Variants in GPM6A observed in about 807,000 individuals in gnomAD.
The protein encoded by GPM6A is neuronal membrane glycoprotein M6-a.
GPM6A carries 7 observed loss-of-function variants against 32.1 expected under a neutral mutation model. The observed-to-expected ratio is 0.22, with a 90% CI of 0.12 to 0.41. The LOEUF (loss-of-function observed/expected upper bound fraction) is 0.41, where lower values mean the gene tolerates loss of function less well. Ranked by LOEUF, GPM6A falls within the 10% of genes least tolerant of loss-of-function variation. The pLI is 1.00. For synonymous variants in GPM6A, 130 were observed against 123.4 expected, an observed-to-expected ratio of 1.05 and a Z score of -0.35; for missense variants, 235 against 347.2, an observed-to-expected ratio of 0.68 and a Z score of 2.57.
chr4:175,637,980 C>A (rs1579326909), intron 6 of GPM6A, among the ~76,000 whole-genome samples: 1 of 143,396 alleles, frequency 7.0e-6, no homozygotes, highest in Non-Finnish European at 1.5e-5. Flanking sequence ...TTCTTACAAG[C>A]ATTTCCTCTG....
intron 1 of GPM6A, among the ~76,000 whole-genome samples, chr4:175,770,898 T>C (rs1733161004): frequency 1.3e-5 from 2 of 152,198 alleles, no homozygotes; most frequent in African/African-American, 4.8e-5. Flanking sequence ...CATGATTACT[T>C]CATCCTCGGT....
intron 1 of GPM6A, among the ~76,000 whole-genome samples, chr4:175,926,542 CAA>C (rs1366754871): frequency 3.3e-5 from 5 of 151,984 alleles, no homozygotes; most frequent in African/African-American, 1.2e-4. Context: ...ACAAAATAAT[CAA>C]GTTTTGACAA....
chr4:175,773,584 CAT>C (rs1213686820), intron 1 of GPM6A, among the ~76,000 whole-genome samples: 2 of 152,024 alleles, frequency 1.3e-5, no homozygotes, highest in African/African-American at 2.4e-5. Flanking sequence ...TACAAAATGA[CAT>C]GTATATATTA....
chr4:175,866,365 A>T (rs536094730), intron 1 of GPM6A, among the ~76,000 whole-genome samples: 1 of 152,248 alleles, frequency 6.6e-6, no homozygotes, highest in South Asian at 2.1e-4. Flanking sequence ...ATAAAGACAC[A>T]TACCTATCGT....
chr4:175,813,938 A>G (rs192869703), upstream of GPM6A, among the ~76,000 whole-genome samples: 2 of 152,318 alleles, frequency 1.3e-5, no homozygotes, highest in South Asian at 2.1e-4. Context: ...ATCAATGTGT[A>G]TTCAAGGGTT....
At chr4:175,796,675 T>A (rs939649283) in intron 1 of GPM6A, among the ~76,000 whole-genome samples, 28 of 152,200 alleles carry the variant, frequency 1.8e-4, no homozygotes, top group African/African-American at 6.5e-4. Flanking sequence ...TATGTTGTTT[T>A]ACCAAATTTG....
intron 1 of GPM6A, among the ~76,000 whole-genome samples, chr4:175,760,387 G>A (rs1037993391): frequency 3.5e-4 from 53 of 151,972 alleles, no homozygotes; most frequent in African/African-American, 1.1e-3. Flanking sequence ...AGAAGCAGGT[G>A]TATAAGATGT....
At chr4:175,864,196 C>T (rs1218384717) in intron 1 of GPM6A, among the ~76,000 whole-genome samples, 3 of 152,214 alleles carry the variant, frequency 2.0e-5, no homozygotes, top group Non-Finnish European at 4.4e-5. Flanking sequence ...TGAGAAAGGG[C>T]CTGACTGTGG....
chr4:175,641,103 C>T, intron 4 of GPM6A: 1 of 426,034 alleles, frequency 2.3e-6, no homozygotes, highest in Non-Finnish European at 4.3e-6. Context: ...TCAATTATAG[C>T]CAGTTTATTG....
chr4:175,680,669 T>C (rs1743632529), intron 2 of GPM6A, among the ~76,000 whole-genome samples: 1 of 152,202 alleles, frequency 6.6e-6, no homozygotes, highest in South Asian at 2.1e-4. Context: ...ACAAAAGACA[T>C]ATCCAGAAAA....
intron 2 of GPM6A, among the ~76,000 whole-genome samples, chr4:175,682,316 TG>T (rs1440735060): frequency 1.3e-5 from 2 of 152,122 alleles, no homozygotes; most frequent in Non-Finnish European, 2.9e-5. Context: ...ACTTTAAATT[TG>T]AAATAATATT....
intron 1 of GPM6A, among the ~76,000 whole-genome samples, chr4:175,878,378 T>C (rs1737155068): frequency 6.6e-6 from 1 of 152,198 alleles, no homozygotes. Flanking sequence ...CCCACCCCTG[T>C]AGCAGACATC....
intron 1 of GPM6A, among the ~76,000 whole-genome samples, chr4:175,980,710 T>C (rs530876787): frequency 6.6e-6 from 1 of 152,336 alleles, no homozygotes; most frequent in South Asian, 2.1e-4. Flanking sequence ...ATGAAATATT[T>C]ATCTTGGCAA....
chr4:175,712,387 A>G (rs923569044), intron 1 of GPM6A, among the ~76,000 whole-genome samples: 7 of 152,172 alleles, frequency 4.6e-5, no homozygotes, highest in African/African-American at 1.7e-4. Context: ...AGAGTGCTCC[A>G]AATTAATAAA....
chr4:175,865,217 C>A (rs1362007735), intron 1 of GPM6A, among the ~76,000 whole-genome samples: 1 of 152,118 alleles, frequency 6.6e-6, no homozygotes, highest in Non-Finnish European at 1.5e-5. Context: ...TATTGAATTA[C>A]CTTGAAAACA....
intron 1 of GPM6A, among the ~76,000 whole-genome samples, chr4:175,764,251 A>G (rs184093543): frequency 6.6e-6 from 1 of 152,302 alleles, no homozygotes; most frequent in Admixed American, 6.5e-5. Context: ...ATTTTATATA[A>G]AGGGAATCAT....
At chr4:175,897,652 G>A (rs1032978376) in intron 1 of GPM6A, among the ~76,000 whole-genome samples, 1 of 152,134 alleles carries the variant, frequency 6.6e-6, no homozygotes, top group Non-Finnish European at 1.5e-5. Context: ...TGGAATATAA[G>A]ATATTTAAGA....
chr4:175,699,828 C>T (rs1744777315), intron 2 of GPM6A, among the ~76,000 whole-genome samples: 2 of 152,026 alleles, frequency 1.3e-5, no homozygotes, highest in South Asian at 4.2e-4. Context: ...TGTTGTCCAC[C>T]CACCCCCCAA....
chr4:175,998,951 C>T (rs114715084), intron 1 of GPM6A, among the ~76,000 whole-genome samples: 1 of 152,168 alleles, frequency 6.6e-6, no homozygotes, highest in South Asian at 2.1e-4. Flanking sequence ...CCCATCCTGT[C>T]AATCCAGCTC....
Sources: gnomAD v4.1 joint callset for allele counts (sites outside exome capture counted in the v4.1 genomes callset) on GRCh38, gnomAD v4.1.1 for gene constraint, MANE v1.5 for transcripts, NCBI Gene and HGNC (gene_info 2026-07-23, HGNC 2026-07-21) for gene names.